LOXHD1: variants seen among roughly 807,000 people sequenced by gnomAD.
LOXHD1 encodes lipoxygenase homology PLAT domains 1.
In LOXHD1, 205 loss-of-function variants were observed where a neutral mutation model predicts 248.2. The ratio of observed to expected loss-of-function variants is 0.83; its 90% CI spans 0.74 to 0.93. The LOEUF is 0.93. Among genes scored for constraint, LOXHD1 ranks in the 40% least tolerant of loss-of-function variants. The probability of loss-of-function intolerance (pLI) is 0.00; values close to 1 mark genes in which losing one functional copy is unlikely to be tolerated. For synonymous variants in LOXHD1, 1,113 were observed against 1,162.8 expected (o/e 0.96, Z 0.87); for missense variants, 2,930 against 2,971.6 (o/e 0.99, Z 0.33).
chr18:46,563,059 A>C lies in LOXHD1; in HGVS notation c.2598+6T>G. On this transcript the variant is annotated splice_donor_region_variant and intron_variant, in intron 18 of 40. Coordinates refer to ENST00000642948, the MANE Select transcript of LOXHD1 (RefSeq NM_001384474.1). ...GTTGGCACCCCCGCTCCTCGACCCC[A>C]CATACCTGGAATGTGTCCTTGGACG... 10 of 1,536,418 alleles carry C rather than the reference A, an allele frequency of 6.5e-6. No homozygotes were observed. The highest frequency in any genetic ancestry group is 8.8e-6 in the Non-Finnish European group (10 of 1,134,420).
intron 34 of LOXHD1, among the ~76,000 whole-genome samples, chr18:46,513,246 C>T (rs1272807019): frequency 6.6e-6 from 1 of 152,134 alleles, no homozygotes; most frequent in Non-Finnish European, 1.5e-5. Flanking sequence ...TCTCTAGAAC[C>T]TTTGACTGTT....
In LOXHD1 at chr18:46,509,818, G is replaced by C. The variant is rs528236655; in HGVS notation, c.5400-3C>G. The C allele has an allele frequency of 1.3e-6, 2 of 1,540,968 alleles. No individual in the cohort carries two copies. Among genetic ancestry groups the C allele is most frequent in the Non-Finnish European group, 1.8e-6 (2 of 1,140,106 alleles). On this transcript the variant is annotated splice_polypyrimidine_tract_variant and splice_region_variant and intron_variant, in intron 34 of 40. Coordinates refer to ENST00000642948, the MANE Select transcript of LOXHD1 (RefSeq NM_001384474.1). Reference sequence around the variant, plus strand: ...TGTCGTTCTGCTCCCGCTCAAACCTGGGGGTGGAGAGGAGGGGCATGAAGA... The same window carrying C: ...TGTCGTTCTGCTCCCGCTCAAACCTCGGGGTGGAGAGGAGGGGCATGAAGA...
chr18:46,617,804 T>C (rs946650964), intron 5 of LOXHD1, among the ~76,000 whole-genome samples: 1 of 152,168 alleles, frequency 6.6e-6, no homozygotes, highest in Non-Finnish European at 1.5e-5. Flanking sequence ...CCCAAACTAC[T>C]GCATTGAATC....
intron 6 of LOXHD1, among the ~76,000 whole-genome samples, chr18:46,607,510 T>C (rs1484708153): frequency 1.3e-5 from 2 of 151,264 alleles, no homozygotes; most frequent in East Asian, 1.9e-4. Flanking sequence ...TATTAATTAA[T>C]AGAAAAATGA....
intron 28 of LOXHD1, among the ~76,000 whole-genome samples, chr18:46,532,403 G>T (rs2036111162): frequency 1.3e-5 from 2 of 152,210 alleles, no homozygotes; most frequent in African/African-American, 4.8e-5. Context: ...GTGTGTGTGT[G>T]TCTGTATGTG....
chr18:46,483,342 AAGACTAGATGCACCCC>A (rs2032741706), intron 40 of LOXHD1, among the ~76,000 whole-genome samples: 1 of 152,110 alleles, frequency 6.6e-6, no homozygotes, highest in Non-Finnish European at 1.5e-5. Context: ...CCTGGATCCA[AAGACTAGATGCACCCC>A]AGGTCATCTG....
intron 37 of LOXHD1, among the ~76,000 whole-genome samples, chr18:46,503,598 A>T (rs1269594916): frequency 6.6e-6 from 1 of 152,208 alleles, no homozygotes; most frequent in Non-Finnish European, 1.5e-5. Context: ...GATGAGATGG[A>T]GGGAAAGAAA....
chr18:46,598,510 A>T (rs1033302751), intron 8 of LOXHD1, among the ~76,000 whole-genome samples: 11 of 56,532 alleles, frequency 1.9e-4, no homozygotes, highest in South Asian at 7.4e-4. Context: ...TTTGAAAATT[A>T]AAAAAAAAAA....
intron 16 of LOXHD1, among the ~76,000 whole-genome samples, chr18:46,569,115 C>T (rs188322300): frequency 2.0e-4 from 30 of 152,266 alleles, no homozygotes; most frequent in African/African-American, 7.0e-4. Flanking sequence ...TCTCCAGTGT[C>T]TGTGACCCAG....
In LOXHD1 at chr18:46,597,542, GCGCACACACACACACA is replaced by G. The variant is rs1362821353; in HGVS notation, c.1135-3092_1135-3077del. 1.8e-4 allele frequency among the ~76,000 whole-genome samples: 11 copies of G among 61,134 alleles called. No homozygotes were observed. In the South Asian group the frequency reaches 6.5e-3, roughly 36 times the overall value. 40.1% of individuals were successfully genotyped at this position (61,134 alleles called of 152,430 possible). On this transcript the variant is annotated intron_variant, in intron 8 of 40. Coordinates refer to ENST00000642948, the MANE Select transcript of LOXHD1 (RefSeq NM_001384474.1). ...GGTATATATTTCAATAGTGGTACAT[GCGCACACACACACACA>G]CACACACACACACACACACACCCCT...
intron 40 of LOXHD1, among the ~76,000 whole-genome samples, chr18:46,482,929 T>C (rs1314132912): frequency 6.6e-6 from 1 of 152,164 alleles, no homozygotes; most frequent in African/African-American, 2.4e-5. Context: ...CCTGGCTCCT[T>C]CTCAGCACCT....
intron 9 of LOXHD1, 73 bp downstream of exon 9, chr18:46,594,258 C>T: frequency 6.5e-7 from 1 of 1,536,448 alleles, no homozygotes; most frequent in Non-Finnish European, 8.8e-7. Context: ...TAGCTTTTGC[C>T]TAGTGGTCTG....
intron 5 of LOXHD1, among the ~76,000 whole-genome samples, chr18:46,613,095 C>T (rs1440471314): frequency 6.6e-6 from 1 of 151,946 alleles, no homozygotes; most frequent in Non-Finnish European, 1.5e-5. Flanking sequence ...ATGGCTTAGC[C>T]CTACATGAAT....
intron 29 of LOXHD1, 53 bp from the exon 30 acceptor site, chr18:46,524,970 C>T: frequency 6.5e-7 from 1 of 1,537,770 alleles, no homozygotes; most frequent in Non-Finnish European, 8.8e-7. Context: ...CCACTCAACC[C>T]ACTCCAGCCC....
rs567855434 is a variant in LOXHD1, at chr18:46,557,578, C to G, written c.3217-89G>C. The G allele has an allele frequency of 2.0e-6, 3 of 1,485,196 alleles. No homozygotes were observed. In the Admixed American group the frequency reaches 6.0e-5, roughly 29 times the overall value. The allele number at this position is 1,485,196 out of a possible 1,614,324, so 92.0% of individuals were successfully genotyped here. A position where few individuals can be genotyped will look rare whatever the true frequency, so the allele number is the denominator to read the frequency against. On this transcript the variant is annotated intron_variant, in intron 20 of 40. Coordinates refer to ENST00000642948, the MANE Select transcript of LOXHD1 (RefSeq NM_001384474.1). ...CCATCCTCCCAAGAACCAGGGCAGC[C>G]AGCCAGAGGCCAATGGTGAGACCCA...
At chr18:46,584,725 C>T (rs147181944) in intron 12 of LOXHD1, among the ~76,000 whole-genome samples, 3 of 152,152 alleles carry the variant, frequency 2.0e-5, no homozygotes, top group East Asian at 1.9e-4. Context: ...TTTTCTGAGG[C>T]CAGCATTACC....
intron 12 of LOXHD1, among the ~76,000 whole-genome samples, chr18:46,588,469 T>TA (rs1297256526): frequency 6.6e-6 from 1 of 152,176 alleles, no homozygotes; most frequent in Non-Finnish European, 1.5e-5. Context: ...TGTACACTGT[T>TA]AAAAATGTGT....
chr18:46,552,331 T>C (rs879797562), intron 21 of LOXHD1, among the ~76,000 whole-genome samples: 1 of 152,190 alleles, frequency 6.6e-6, no homozygotes, highest in Non-Finnish European at 1.5e-5. Context: ...GCAATCTTAA[T>C]CACTTTTTGC....
chr18:46,541,483 A>G (rs1172524559), intron 25 of LOXHD1, among the ~76,000 whole-genome samples: 1 of 152,210 alleles, frequency 6.6e-6, no homozygotes, highest in Non-Finnish European at 1.5e-5. Context: ...CTGCATTATT[A>G]TCTCTATGCT....
Sources: allele counts gnomAD v4.1 joint callset (sites outside exome capture counted in the v4.1 genomes callset), GRCh38; gene constraint gnomAD v4.1.1; transcripts MANE v1.5; gene names NCBI Gene and HGNC (gene_info 2026-07-23, HGNC 2026-07-21).